The following SDK1 variants were observed in gnomAD, a reference collection of about 807,000 sequenced individuals.
SDK1 encodes sidekick cell adhesion molecule 1, also known as protein sidekick-1.
A neutral mutation model predicts 245.5 loss-of-function variants in SDK1; 157 were observed. The ratio of observed to expected loss-of-function variants is 0.64; its 90% CI spans 0.56 to 0.73. The LOEUF (loss-of-function observed/expected upper bound fraction) is 0.73. SDK1 is among the 30% of genes least tolerant of loss of function. The pLI, the probability that SDK1 is intolerant of heterozygous loss-of-function variation, is 0.00. For synonymous variants in SDK1, 1,647 were observed against 1,278.5 expected, an observed-to-expected ratio of 1.29 and a Z score of -6.15; for missense variants, 3,583 against 3,002.3, an observed-to-expected ratio of 1.19 and a Z score of -4.52.
intron 1 of SDK1, among the ~76,000 whole-genome samples, chr7:3,535,208 G>A (rs1458416572): frequency 6.6e-6 from 1 of 152,122 alleles, no homozygotes; most frequent in African/African-American, 2.4e-5. Context: ...CCCAGGAGGC[G>A]GAGGTTGGAG....
At chr7:4,207,855 G>A (rs1784312005) in intron 36 of SDK1, among the ~76,000 whole-genome samples, 2 of 152,206 alleles carry the variant, frequency 1.3e-5, no homozygotes, top group Non-Finnish European at 2.9e-5. Flanking sequence ...CATACTCTAG[G>A]TGAGCAACAG....
chr7:3,407,627 C>T (rs1434516431), intron 1 of SDK1, among the ~76,000 whole-genome samples: 1 of 152,196 alleles, frequency 6.6e-6, no homozygotes, highest in African/African-American at 2.4e-5. Context: ...AACCAGCTTT[C>T]TGCTAGTGAC....
intron 43 of SDK1, among the ~76,000 whole-genome samples, chr7:4,243,257 C>T (rs1218822471): frequency 6.6e-6 from 1 of 152,176 alleles, no homozygotes; most frequent in African/African-American, 2.4e-5. Flanking sequence ...CCATCTGCTT[C>T]CTAGGAAAGA....
intron 19 of SDK1, among the ~76,000 whole-genome samples, chr7:4,066,777 G>A (rs1779930728): frequency 6.6e-6 from 1 of 152,230 alleles, no homozygotes; most frequent in South Asian, 2.1e-4. Flanking sequence ...TGTCCGGCCA[G>A]CAGCGACTTG....
intron 1 of SDK1, among the ~76,000 whole-genome samples, chr7:3,455,351 C>G (rs1450932364): frequency 6.6e-6 from 1 of 150,754 alleles, no homozygotes; most frequent in East Asian, 1.9e-4. Context: ...GAACTCTTTA[C>G]CTACCATTAG....
chr7:3,769,896 C>G (rs1167379617), intron 4 of SDK1, among the ~76,000 whole-genome samples: 2 of 151,614 alleles, frequency 1.3e-5, no homozygotes, highest in South Asian at 2.1e-4. Flanking sequence ...AGCTGAAAGT[C>G]AAACACTCAG....
intron 22 of SDK1, among the ~76,000 whole-genome samples, chr7:4,098,165 A>G (rs971437040): frequency 1.5e-4 from 23 of 152,158 alleles, no homozygotes; most frequent in Admixed American, 1.4e-3. Flanking sequence ...TTGTTCATTC[A>G]TCTGTCAGAT....
intron 1 of SDK1, among the ~76,000 whole-genome samples, chr7:3,598,323 A>G (rs1473401836): frequency 6.6e-6 from 1 of 152,216 alleles, no homozygotes; most frequent in Non-Finnish European, 1.5e-5. Context: ...ATGCATTATC[A>G]GAATATTTTC....
At chr7:3,380,779 G>C (rs550219255) in intron 1 of SDK1, among the ~76,000 whole-genome samples, 23 of 152,242 alleles carry the variant, frequency 1.5e-4, no homozygotes, top group African/African-American at 5.5e-4. Context: ...CTGTGATTCA[G>C]GCGAAAGGGA....
chr7:3,587,776 G>GT (rs1169787033), intron 1 of SDK1, among the ~76,000 whole-genome samples: 1 of 152,214 alleles, frequency 6.6e-6, no homozygotes, highest in African/African-American at 2.4e-5. Flanking sequence ...ACTGCCCCTT[G>GT]GCCTTTCCTG....
At chr7:3,340,621 G>T (rs1184181552) in intron 1 of SDK1, among the ~76,000 whole-genome samples, 1 of 151,986 alleles carries the variant, frequency 6.6e-6, no homozygotes, top group Non-Finnish European at 1.5e-5. Context: ...AAAATAGCGG[G>T]GCATGGTGGC....
chr7:3,854,929 C>T (rs1780507835), intron 5 of SDK1, among the ~76,000 whole-genome samples: 1 of 152,144 alleles, frequency 6.6e-6, no homozygotes, highest in Non-Finnish European at 1.5e-5. Flanking sequence ...ACACTGAGAG[C>T]AGGGTGGACC....
At chr7:3,449,939 C>T (rs1780460809) in intron 1 of SDK1, among the ~76,000 whole-genome samples, 1 of 152,032 alleles carries the variant, frequency 6.6e-6, no homozygotes, top group African/African-American at 2.4e-5. Context: ...GCCATGAAAA[C>T]GTAGAGGGGA....
intron 5 of SDK1, among the ~76,000 whole-genome samples, chr7:3,931,067 A>C (rs540390621): frequency 6.6e-6 from 1 of 152,336 alleles, no homozygotes; most frequent in South Asian, 2.1e-4. Context: ...ATAAAAATGA[A>C]GACATTGGAG....
intron 44 of SDK1, among the ~76,000 whole-genome samples, chr7:4,257,827 C>T (rs939309467): frequency 3.3e-5 from 5 of 152,212 alleles, no homozygotes; most frequent in Admixed American, 3.3e-4. Context: ...TCTTCCCTTC[C>T]AGCTGCATTG....
chr7:3,461,337 A>G (rs544162382), intron 1 of SDK1, among the ~76,000 whole-genome samples: 10 of 152,320 alleles, frequency 6.6e-5, no homozygotes, highest in African/African-American at 2.4e-4. Flanking sequence ...TCTGTTTGAT[A>G]TAGCTGAAGT....
intron 20 of SDK1, among the ~76,000 whole-genome samples, chr7:4,075,708 G>A (rs987991859): frequency 6.0e-5 from 9 of 150,882 alleles, no homozygotes; most frequent in Admixed American, 4.0e-4. Context: ...AGGCTGGAGT[G>A]CAATGGCGCA....
At chr7:4,088,973 G>A (rs1362885440) in intron 22 of SDK1, among the ~76,000 whole-genome samples, 1 of 151,422 alleles carries the variant, frequency 6.6e-6, no homozygotes, top group Admixed American at 6.6e-5. Flanking sequence ...CCCTCAGAGG[G>A]AGGTGAGACC....
rs571067003 is a variant in SDK1, at chr7:4,110,475, GT to G, written c.3325-187del. On this transcript the variant is annotated intron_variant, in intron 22 of 44. Transcript: ENST00000404826. ...GACTAAAACTCACCCAGACTTGATG[GT>G]GGGCATAGCAAGAGCCTGTATCTCC... 7.2e-4 allele frequency among the ~76,000 whole-genome samples: 109 copies of G among 152,284 alleles called. 1 individual carries two copies. The highest frequency in any genetic ancestry group is 2.5e-3 in the African/African-American group (102 of 41,552).
Sources: gnomAD v4.1 joint callset for allele counts (sites outside exome capture counted in the v4.1 genomes callset) on GRCh38, gnomAD v4.1.1 for gene constraint, MANE v1.5 for transcripts, NCBI Gene and HGNC (gene_info 2026-07-23, HGNC 2026-07-21) for gene names.